Variants in TENT4B observed in about 807,000 individuals in gnomAD.
TENT4B encodes terminal nucleotidyltransferase 4B.
Under a neutral mutation model 75.0 loss-of-function variants are expected in TENT4B, and 10 were observed. That is an observed-to-expected ratio of 0.13 (90% confidence interval 0.08 to 0.23). The LOEUF (loss-of-function observed/expected upper bound fraction) is 0.23. Among genes scored for constraint, TENT4B ranks in the 10% least tolerant of loss-of-function variants. TENT4B has a pLI of 1.00. For missense variants in TENT4B, 579 were observed against 893.8 expected (o/e 0.65, Z 4.49); for synonymous variants, 350 against 357.7 (o/e 0.98, Z 0.24).
upstream of TENT4B, chr16:50,153,017 G>C: frequency 6.6e-7 from 1 of 1,516,238 alleles, no homozygotes; most frequent in Non-Finnish European, 8.8e-7. Flanking sequence ...CGCCTCAGAA[G>C]CTCCCGGACG....
chr16:50,230,527 C>T lies in TENT4B; in HGVS notation c.*1199C>T. On this transcript the variant is annotated 3_prime_UTR_variant, in exon 12 of 12. Transcript: ENST00000561678. Reference sequence around the variant, plus strand: ...AAAAACTATTTTCTTATATTCCACTCTATGCTTTTGGTATTGTTGATCTTT... The same window carrying T: ...AAAAACTATTTTCTTATATTCCACTTTATGCTTTTGGTATTGTTGATCTTT... 1.0e-6 allele frequency: 1 copy of T among 976,472 alleles called. No individual in the cohort carries two copies. Among genetic ancestry groups the T allele is most frequent in the Non-Finnish European group, 1.2e-6 (1 of 821,512 alleles). The allele number at this position is 976,472 out of a possible 1,614,324, so 60.5% of individuals were successfully genotyped here.
Position 50,234,646 on chromosome 16 carries a change from T to C in TENT4B, c.*5318T>C. The C allele has an allele frequency of 2.0e-6, 2 of 985,378 alleles. No homozygotes were observed. The highest frequency in any genetic ancestry group is 2.4e-6 in the Non-Finnish European group (2 of 829,884). 61.0% of individuals were successfully genotyped at this position (985,378 alleles called of 1,614,324 possible). The stretch of plus-strand genomic sequence containing the variant: ...ACTTACAGAAGTCACTTTAAAAAAG[T>C]CTTTTGAAAGTCCTACAATCCTAAA... On this transcript the variant is annotated 3_prime_UTR_variant, in exon 12 of 12. Coordinates refer to ENST00000561678, the MANE Select transcript of TENT4B (RefSeq NM_001365324.3).
intron 1 of TENT4B, among the ~76,000 whole-genome samples, chr16:50,179,135 G>A (rs1173243964): frequency 1.3e-5 from 2 of 152,160 alleles, no homozygotes; most frequent in African/African-American, 2.4e-5. Context: ...GACCGAGGCG[G>A]GTGGATCACC....
intron 4 of TENT4B, among the ~76,000 whole-genome samples, chr16:50,216,978 G>A (rs1271771866): frequency 3.9e-5 from 6 of 152,042 alleles, no homozygotes; most frequent in Non-Finnish European, 8.8e-5. Flanking sequence ...TGGGCTATTT[G>A]CAAAACTGAC....
intron 1 of TENT4B, among the ~76,000 whole-genome samples, chr16:50,162,169 G>A (rs920877532): frequency 2.0e-5 from 3 of 152,088 alleles, no homozygotes; most frequent in African/African-American, 4.8e-5. Flanking sequence ...CCATAGTATG[G>A]CTGAACCACA....
intron 1 of TENT4B, among the ~76,000 whole-genome samples, chr16:50,178,886 G>T (rs1254405518): frequency 6.6e-6 from 1 of 152,124 alleles, no homozygotes; most frequent in Non-Finnish European, 1.5e-5. Flanking sequence ...GAGGTGGATG[G>T]TGGTGAGGAT....
chr16:50,201,338 ACCAG>A (rs2030633379), intron 1 of TENT4B, among the ~76,000 whole-genome samples: 1 of 151,906 alleles, frequency 6.6e-6, no homozygotes, highest in African/African-American at 2.4e-5. Flanking sequence ...GGAGTTTGAG[ACCAG>A]CCTGGCCAAC....
chr16:50,195,160 T>G (rs1250843459), intron 1 of TENT4B, among the ~76,000 whole-genome samples: 1 of 152,200 alleles, frequency 6.6e-6, no homozygotes, highest in Non-Finnish European at 1.5e-5. Flanking sequence ...AATTAGAAGT[T>G]AAATTCTGCC....
At chr16:50,194,871 C>T (rs1022458578) in intron 1 of TENT4B, among the ~76,000 whole-genome samples, 5 of 151,562 alleles carry the variant, frequency 3.3e-5, no homozygotes, top group Non-Finnish European at 7.4e-5. Context: ...GCCTCAGCCT[C>T]CCAAGTAGCT....
intron 4 of TENT4B, 23 bp from the exon 5 acceptor site, chr16:50,217,533 T>A (rs1483856499): frequency 7.8e-7 from 1 of 1,288,680 alleles, no homozygotes; most frequent in African/African-American, 1.5e-5. Context: ...AGCATTTACA[T>A]TTTACCTTTC....
At chr16:50,185,488 G>C (rs567160883) in intron 1 of TENT4B, among the ~76,000 whole-genome samples, 1 of 152,216 alleles carries the variant, frequency 6.6e-6, no homozygotes, top group Admixed American at 6.5e-5. Context: ...TTTATGGTAA[G>C]TTCTGGAACA....
intron 1 of TENT4B, among the ~76,000 whole-genome samples, chr16:50,193,761 A>G (rs2030016646): frequency 6.6e-6 from 1 of 152,132 alleles, no homozygotes; most frequent in Non-Finnish European, 1.5e-5. Context: ...AGGATTCCTG[A>G]AGGATGAGGA....
chr16:50,217,242 CAAGAT>C (rs2031607048), intron 4 of TENT4B, among the ~76,000 whole-genome samples: 1 of 151,736 alleles, frequency 6.6e-6, no homozygotes, highest in Admixed American at 6.6e-5. Context: ...GTATGTATAT[CAAGAT>C]AAGTATATCA....
At chr16:50,214,056 G>A (rs1162106579) in intron 2 of TENT4B, among the ~76,000 whole-genome samples, 165 bp from the exon 3 acceptor site, 1 of 152,116 alleles carries the variant, frequency 6.6e-6, no homozygotes, top group Non-Finnish European at 1.5e-5. Context: ...TTGTGAAACA[G>A]AATCCCCGCT....
intron 1 of TENT4B, among the ~76,000 whole-genome samples, chr16:50,158,623 T>G (rs938656969): frequency 6.6e-6 from 1 of 152,172 alleles, no homozygotes; most frequent in Non-Finnish European, 1.5e-5. Context: ...TCCAGAAACT[T>G]CTTCTGGAAG....
chr16:50,208,894 A>G (rs946426512), intron 1 of TENT4B, among the ~76,000 whole-genome samples: 1 of 152,088 alleles, frequency 6.6e-6, no homozygotes, highest in African/African-American at 2.4e-5. Context: ...CACCACACCC[A>G]GCTAATTTTT....
At position 50,211,256 on chromosome 16, in the gene TENT4B, T is replaced by G; in HGVS notation, c.639-67T>G. On this transcript the variant is annotated intron_variant, in intron 1 of 11. Transcript: ENST00000561678. ...ATTATAAGACTTAATTAGATAAGATTATTTAAGATAGTGATTTCTCATTAG... is the reference window on the plus strand; with the variant it reads ...ATTATAAGACTTAATTAGATAAGATGATTTAAGATAGTGATTTCTCATTAG... 3 of 1,447,048 alleles carry G rather than the reference T, an allele frequency of 2.1e-6. No individual in the cohort carries two copies. The Admixed American group carries it at 8.5e-5, about 41-fold the overall frequency. 89.6% of individuals were successfully genotyped at this position (1,447,048 alleles called of 1,614,324 possible).
intron 2 of TENT4B, among the ~76,000 whole-genome samples, 177 bp downstream of exon 2, chr16:50,211,623 T>A (rs1014349945): frequency 1.3e-5 from 2 of 152,238 alleles, no homozygotes; most frequent in Non-Finnish European, 2.9e-5. Context: ...TGAGGCTTCC[T>A]AACTATTTTC....
intron 1 of TENT4B, among the ~76,000 whole-genome samples, chr16:50,155,545 G>C (rs538749825): frequency 6.6e-6 from 1 of 152,062 alleles, no homozygotes; most frequent in Non-Finnish European, 1.5e-5. Context: ...CAGTGGGCTG[G>C]TGTCTGCTCT....
Sources: allele counts gnomAD v4.1 joint callset (sites outside exome capture counted in the v4.1 genomes callset), GRCh38; gene constraint gnomAD v4.1.1; transcripts MANE v1.5; gene names NCBI Gene and HGNC (gene_info 2026-07-23, HGNC 2026-07-21).